Variants in DDHD1 observed in about 807,000 individuals in gnomAD.
DDHD1 encodes phospholipase DDHD1.
DDHD1 carries 49 observed loss-of-function variants against 96.4 expected under a neutral mutation model. The ratio of observed to expected loss-of-function variants is 0.51; its 90% confidence interval spans 0.40 to 0.64. The LOEUF (loss-of-function observed/expected upper bound fraction) is 0.64. DDHD1 is among the 30% of genes least tolerant of loss of function. The pLI, the probability that DDHD1 is intolerant of heterozygous loss-of-function variation, is 0.00. For missense variants in DDHD1, 1,106 were observed against 1,161.2 expected (o/e 0.95, Z 0.69); for synonymous variants, 442 against 446.5 (o/e 0.99, Z 0.13).
chr14:53,045,608 T>A lies in DDHD1; in HGVS notation c.*1160A>T, dbSNP rs1251536533. On this transcript the variant is annotated 3_prime_UTR_variant, in exon 13 of 13. Coordinates refer to ENST00000673822, the MANE Select transcript of DDHD1 (RefSeq NM_001160148.2). The stretch of plus-strand genomic sequence containing the variant: ...TGCCTTGGTGTATTAACATGTAACA[T>A]GAGAACAAGATTTATTTACTTACCT... 6.6e-6 allele frequency: 1 copy of A among 152,202 alleles called. No homozygotes were observed. Among genetic ancestry groups the A allele is most frequent in the Non-Finnish European group, 1.5e-5 (1 of 68,028 alleles). The allele number at this position is 152,202 out of a possible 1,614,324, so 9.4% of individuals were successfully genotyped here.
intron 8 of DDHD1, among the ~76,000 whole-genome samples, chr14:53,059,951 T>C (rs925062535): frequency 6.6e-6 from 1 of 151,748 alleles, no homozygotes; most frequent in Non-Finnish European, 1.5e-5. Context: ...ACCATACTCT[T>C]ACGGCTTTTA....
intron 6 of DDHD1, among the ~76,000 whole-genome samples, chr14:53,071,339 AGT>A (rs1405022238): frequency 1.3e-5 from 2 of 152,132 alleles, no homozygotes; most frequent in African/African-American, 4.8e-5. Context: ...TATAACAATA[AGT>A]GTAAATGCTT....
At chr14:53,088,370 G>C (rs1418780441) in intron 4 of DDHD1, among the ~76,000 whole-genome samples, 1 of 151,982 alleles carries the variant, frequency 6.6e-6, no homozygotes, top group African/African-American at 2.4e-5. Flanking sequence ...CAACAAAAAA[G>C]AGAGAATTTC....
At position 53,038,191 on chromosome 14, in the gene DDHD1, G is replaced by T. The variant is rs1304218742; in HGVS notation, c.*8577C>A. ...TTCAACTTAGAGCAATCAGGCAAGA[G>T]AAATAAATAAAAGGCATCCAACTGG... On this transcript the variant is annotated 3_prime_UTR_variant, in exon 13 of 13. Coordinates refer to ENST00000673822, the MANE Select transcript of DDHD1 (RefSeq NM_001160148.2). 6.6e-6 allele frequency: 1 copy of T among 152,062 alleles called. No individual in the cohort carries two copies. The highest frequency in any genetic ancestry group is 2.1e-4 in the South Asian group (1 of 4,826). 9.4% of individuals were successfully genotyped at this position (152,062 alleles called of 1,614,324 possible).
At chr14:53,109,944 A>G (rs1248265008) in intron 1 of DDHD1, among the ~76,000 whole-genome samples, 1 of 152,188 alleles carries the variant, frequency 6.6e-6, no homozygotes, top group Non-Finnish European at 1.5e-5. Context: ...CAAGCAGTAG[A>G]GGTTCTTTAC....
intron 1 of DDHD1, among the ~76,000 whole-genome samples, chr14:53,144,977 CTG>C (rs1301797354): frequency 6.6e-6 from 1 of 151,732 alleles, no homozygotes. Context: ...TGGTGAAACC[CTG>C]TCTCCACTAA....
chr14:53,085,224 T>C (rs1885842662), intron 4 of DDHD1, among the ~76,000 whole-genome samples: 2 of 152,174 alleles, frequency 1.3e-5, no homozygotes, highest in Non-Finnish European at 1.5e-5. Flanking sequence ...CAGCAGAACC[T>C]TCTGCAGGCT....
intron 2 of DDHD1, among the ~76,000 whole-genome samples, chr14:53,094,386 G>C (rs1886696325): frequency 6.6e-6 from 1 of 152,134 alleles, no homozygotes. Context: ...TTAAGGAAAT[G>C]TTTTTCTGCC....
At chr14:53,082,103 T>C (rs898966621) in intron 4 of DDHD1, among the ~76,000 whole-genome samples, 1 of 152,232 alleles carries the variant, frequency 6.6e-6, no homozygotes, top group Admixed American at 6.5e-5. Context: ...AACAATATTA[T>C]ACTATACCTC....
intron 1 of DDHD1, among the ~76,000 whole-genome samples, chr14:53,114,346 C>T (rs575046018): frequency 6.6e-6 from 1 of 152,328 alleles, no homozygotes; most frequent in Admixed American, 6.5e-5. Flanking sequence ...GCAGTTGATA[C>T]TGACAAGGGT....
chr14:53,128,311 TA>T (rs1262919179), intron 1 of DDHD1, among the ~76,000 whole-genome samples: 1 of 152,208 alleles, frequency 6.6e-6, no homozygotes. Flanking sequence ...TAAAATACCA[TA>T]AAGTTGGTAG....
At chr14:53,049,912 T>C (rs934202954) in intron 12 of DDHD1, among the ~76,000 whole-genome samples, 1 of 152,190 alleles carries the variant, frequency 6.6e-6, no homozygotes, top group Non-Finnish European at 1.5e-5. Context: ...TTCCCCAAAG[T>C]AGAGTATCTG....
chr14:53,100,475 T>G (rs994304035), intron 2 of DDHD1, among the ~76,000 whole-genome samples: 1 of 151,976 alleles, frequency 6.6e-6, no homozygotes, highest in African/African-American at 2.4e-5. Flanking sequence ...CTCCAAAAAG[T>G]AAAATAAAAT....
chr14:53,059,891 T>C (rs976128058), intron 8 of DDHD1, among the ~76,000 whole-genome samples: 1 of 124,228 alleles, frequency 8.0e-6, no homozygotes, highest in African/African-American at 3.5e-5. Context: ...AAAAAAAAAG[T>C]AATGATAGTA....
intron 1 of DDHD1, among the ~76,000 whole-genome samples, chr14:53,113,874 C>A (rs1307047848): frequency 6.6e-6 from 1 of 152,130 alleles, no homozygotes; most frequent in Admixed American, 6.5e-5. Flanking sequence ...CCCAGTGAGA[C>A]TTCACTTCCC....
intron 1 of DDHD1, among the ~76,000 whole-genome samples, chr14:53,122,973 A>C (rs370282911): frequency 6.6e-6 from 1 of 152,166 alleles, no homozygotes; most frequent in East Asian, 1.9e-4. Flanking sequence ...AATAGTTAAC[A>C]AAACTATAAT....
Position 53,091,859 on chromosome 14 carries a change from A to C in DDHD1, c.1215T>G (p.Thr405=). 1 of 1,613,844 alleles carries C rather than the reference A, an allele frequency of 6.2e-7. No individual in the cohort carries two copies. Among genetic ancestry groups the C allele is most frequent in the Non-Finnish European group, 8.5e-7 (1 of 1,179,824 alleles). The change falls in exon 4 of 13, where the codon ACT becomes ACG. Residue 405 remains threonine (T), a synonymous_variant. Transcript: ENST00000673822. ...EATLEDKPSQ[T]THIVFVVHGI... ...CATGCACAACAAATACAATATGGGTAGTCTGTGATGGCTTGTCTTCTAATG... is the reference window on the plus strand; with the variant it reads ...CATGCACAACAAATACAATATGGGTCGTCTGTGATGGCTTGTCTTCTAATG...
At chr14:53,136,040 C>T (rs923245791) in intron 1 of DDHD1, among the ~76,000 whole-genome samples, 2 of 152,196 alleles carry the variant, frequency 1.3e-5, no homozygotes, top group South Asian at 4.1e-4. Context: ...TTTGTTTCTG[C>T]CCCACCCTAA....
At chr14:53,103,451 T>C (rs1887462500) in intron 2 of DDHD1, 1 of 418,794 alleles carries the variant, frequency 2.4e-6, no homozygotes, top group Non-Finnish European at 4.2e-6. Context: ...ACATTTATAG[T>C]AAACTGTGTT....
Sources: allele counts gnomAD v4.1 joint callset (sites outside exome capture counted in the v4.1 genomes callset), GRCh38; gene constraint gnomAD v4.1.1; transcripts MANE v1.5; gene names NCBI Gene and HGNC (gene_info 2026-07-23, HGNC 2026-07-21).